The following DHX15 variants were observed in gnomAD, a reference collection of about 807,000 sequenced individuals.
DHX15 encodes DEAH-box helicase 15.
Under a neutral mutation model 94.4 loss-of-function variants are expected in DHX15, and 11 were observed. The observed-to-expected ratio is 0.12, with a 90% CI of 0.07 to 0.19. The LOEUF is 0.19. DHX15 is among the 10% of genes least tolerant of loss of function. DHX15 has a pLI of 1.00. For synonymous variants in DHX15, 338 were observed against 329.9 expected, an observed-to-expected ratio of 1.02 and a Z score of -0.27; for missense variants, 304 against 988.5, an observed-to-expected ratio of 0.31 and a Z score of 9.29.
chr4:24,542,061 C>T, intron 7 of DHX15, 39 bp from the exon 8 acceptor site: 1 of 1,532,548 alleles, frequency 6.5e-7, no homozygotes, highest in Non-Finnish European at 8.9e-7. Flanking sequence ...TTTCTTCAGT[C>T]AAACACAAAA....
Position 24,584,303 on chromosome 4 carries a change from G to A in DHX15, c.71+20C>T, listed in dbSNP as rs936522988. On this transcript the variant is annotated intron_variant, in intron 1 of 13. Transcript: ENST00000336812. The stretch of plus-strand genomic sequence containing the variant: ...CCAACAAAGCCCGAGCTGCCGCCTC[G>A]CGCCCCCGGCCTGGCTTACCCATCG... The A allele has an allele frequency of 6.2e-7, 1 of 1,606,370 alleles. No individual in the cohort carries two copies.
In DHX15 at chr4:24,542,008, T is replaced by C. The variant is rs1358767604; in HGVS notation, c.1350A>G (p.Arg450=). 2 of 1,609,820 alleles carry C rather than the reference T, an allele frequency of 1.2e-6. No individual in the cohort carries two copies. The highest frequency in any genetic ancestry group is 1.7e-6 in the Non-Finnish European group (2 of 1,177,442). ...TCACCAAAAGGGACTCAACTCTGAT[T>C]CGAGGATTGTAGACCTATTGGAATT... ...GFAKQKVYNP[R]IRVESLLVTA... Residue 450 remains arginine (R), a synonymous_variant, in exon 8 of 14, where the codon CGA becomes CGG. Transcript: ENST00000336812.
chr4:24,528,127 T>C (rs1720999416), intron 13 of DHX15, 86 bp from the exon 14 acceptor site: 1 of 859,358 alleles, frequency 1.2e-6, no homozygotes, highest in Admixed American at 1.9e-5. Context: ...TATTCATTAA[T>C]ATACTGATGA....
chr4:24,540,281 CTCA>C lies in DHX15; in HGVS notation c.1610_1612del (p.Met537del). The C allele has an allele frequency of 6.2e-7, 1 of 1,611,814 alleles. No homozygotes were observed. The highest frequency in any genetic ancestry group is 8.5e-7 in the Non-Finnish European group (1 of 1,178,812). The stretch of plus-strand genomic sequence containing the variant: ...CAGGTAATTCAAAAGTTCCAGGGCT[CTCA>C]TCAGAGTTTCAGGAGCTAGTGGTAA... On this transcript the variant is annotated inframe_deletion, in exon 10 of 14. Transcript: ENST00000336812.
intron 4 of DHX15, 85 bp from the exon 5 acceptor site, chr4:24,555,028 T>C (rs1031881527): frequency 3.1e-6 from 3 of 964,180 alleles, no homozygotes; most frequent in Non-Finnish European, 4.6e-6. Context: ...CTATTCTACA[T>C]ATATCAGCTA....
At position 24,583,242 on chromosome 4, in the gene DHX15, A is replaced by G. The variant is rs897750998; in HGVS notation, c.71+1081T>C. On this transcript the variant is annotated intron_variant, in intron 1 of 13. Coordinates refer to ENST00000336812, the MANE Select transcript of DHX15 (RefSeq NM_001358.3). ...CTTTGTACTTCATCAATGAAAACACACAAGGGACAAGAAATGATTTTCACG... is the reference window on the plus strand; with the variant it reads ...CTTTGTACTTCATCAATGAAAACACGCAAGGGACAAGAAATGATTTTCACG... 3.9e-5 allele frequency among the ~76,000 whole-genome samples: 6 copies of G among 152,242 alleles called. No individual in the cohort carries two copies. The East Asian group carries it at 1.2e-3, about 29-fold the overall frequency.
intron 1 of DHX15, among the ~76,000 whole-genome samples, chr4:24,578,116 C>G (rs1482979427): frequency 6.6e-6 from 1 of 152,192 alleles, no homozygotes; most frequent in East Asian, 1.9e-4. Context: ...ACAGAGCATA[C>G]AAGCCAGAAC....
chr4:24,574,787 T>A (rs1453308650), intron 2 of DHX15, among the ~76,000 whole-genome samples: 3 of 152,200 alleles, frequency 2.0e-5, no homozygotes, highest in Non-Finnish European at 1.5e-5. Context: ...GTATACAGTG[T>A]CTGGCTTTAC....
At chr4:24,547,949 C>CGA (rs1721485424) in intron 6 of DHX15, among the ~76,000 whole-genome samples, 1 of 91,308 alleles carries the variant, frequency 1.1e-5, no homozygotes, top group African/African-American at 4.4e-5. Context: ...ATATCTATAT[C>CGA]TATATCTATA....
intron 11 of DHX15, among the ~76,000 whole-genome samples, chr4:24,534,926 T>C (rs146911638): frequency 1.1e-4 from 16 of 150,664 alleles, no homozygotes; most frequent in African/African-American, 3.6e-4. Context: ...ATCGAAATAA[T>C]AACACGTGGG....
intron 5 of DHX15, among the ~76,000 whole-genome samples, chr4:24,553,261 C>T (rs1487820395): frequency 2.6e-5 from 4 of 152,002 alleles, no homozygotes; most frequent in Admixed American, 6.6e-5. Flanking sequence ...GCAGAGGTTG[C>T]GGTGAGCCGA....
chr4:24,537,996 C>T lies in DHX15; in HGVS notation c.1787-823G>A, dbSNP rs1232426689. ...AGTCTGAAACAATCATATCAAGGGT[C>T]ATCAAGATATGTAACTACAGTTATT... On this transcript the variant is annotated intron_variant, in intron 10 of 13. Coordinates refer to ENST00000336812, the MANE Select transcript of DHX15 (RefSeq NM_001358.3). The surrounding 1 kb of genome is among the most constrained non-coding windows in gnomAD (Gnocchi z 4.7). 1 of 152,134 alleles carries T rather than the reference C, an allele frequency of 6.6e-6. No individual in the cohort carries two copies. Among genetic ancestry groups the T allele is most frequent in the Non-Finnish European group, 1.5e-5 (1 of 68,016 alleles). The allele number at this position is 152,134 out of a possible 1,614,324, so 9.4% of individuals were successfully genotyped here.
chr4:24,530,250 T>C (rs1721047539), intron 12 of DHX15: 1 of 170,784 alleles, frequency 5.9e-6, no homozygotes. Flanking sequence ...TCTTCAGCAC[T>C]GGGCGCCAAC....
chr4:24,561,097 G>C (rs528533085), intron 3 of DHX15, among the ~76,000 whole-genome samples: 1 of 152,252 alleles, frequency 6.6e-6, no homozygotes, highest in African/African-American at 2.4e-5. Flanking sequence ...TCACAGATGT[G>C]TATGCGTGAA....
At chr4:24,529,853 A>G in intron 12 of DHX15, 83 bp from the exon 13 acceptor site, 1 of 1,376,612 alleles carries the variant, frequency 7.3e-7, no homozygotes, top group Non-Finnish European at 1.0e-6. Context: ...AGGAAGAGGC[A>G]GGCCTCCCTT....
intron 5 of DHX15, among the ~76,000 whole-genome samples, chr4:24,551,713 C>T (rs1721608967): frequency 1.3e-5 from 2 of 152,132 alleles, no homozygotes; most frequent in South Asian, 4.1e-4. Flanking sequence ...AGCTCTCCAA[C>T]TTAAAAAACA....
chr4:24,553,144 G>A (rs1048571489), intron 5 of DHX15, among the ~76,000 whole-genome samples: 1 of 152,058 alleles, frequency 6.6e-6, no homozygotes, highest in South Asian at 2.1e-4. Context: ...CCAACACGGA[G>A]AAACCCCATC....
intron 10 of DHX15, 190 bp downstream of exon 10, chr4:24,539,918 G>C: frequency 2.4e-6 from 1 of 409,488 alleles, no homozygotes; most frequent in East Asian, 3.7e-5. Context: ...TGTGCACAAT[G>C]ACTTACTTTA....
At chr4:24,567,187 T>C (rs1350338105) in intron 3 of DHX15, among the ~76,000 whole-genome samples, 1 of 152,226 alleles carries the variant, frequency 6.6e-6, no homozygotes, top group East Asian at 1.9e-4. Context: ...ACTTCAATTA[T>C]TACGTTTTTC....
Sources: allele counts gnomAD v4.1 joint callset (sites outside exome capture counted in the v4.1 genomes callset), GRCh38; gene constraint gnomAD v4.1.1; non-coding constraint Gnocchi (gnomAD v3.1); transcripts MANE v1.5; gene names NCBI Gene and HGNC (gene_info 2026-07-23, HGNC 2026-07-21).